COL28A1: variants seen among roughly 807,000 people sequenced by gnomAD.
COL28A1 encodes collagen alpha-1(XXVIII) chain.
A neutral mutation model predicts 150.2 loss-of-function variants in COL28A1; 161 were observed. That is an observed-to-expected ratio of 1.07 (90% CI 0.94 to 1.22). COL28A1 has a LOEUF of 1.22. COL28A1 is among the 50% of genes most tolerant of loss of function. The probability of loss-of-function intolerance (pLI) is 0.00; values close to 1 mark genes in which losing one functional copy is unlikely to be tolerated. For synonymous variants in COL28A1, 552 were observed against 469.7 expected, an observed-to-expected ratio of 1.18 and a Z score of -2.26; for missense variants, 1,617 against 1,388.3, an observed-to-expected ratio of 1.16 and a Z score of -2.62.
intron 14 of COL28A1, among the ~76,000 whole-genome samples, chr7:7,475,831 T>A (rs1033045644): frequency 6.6e-6 from 1 of 152,228 alleles, no homozygotes; most frequent in African/African-American, 2.4e-5. Context: ...TGTCTTCTGA[T>A]AGTGATACTG....
At chr7:7,351,555 G>C (rs1343938914), downstream of COL28A1, among the ~76,000 whole-genome samples, 3 of 152,118 alleles carry the variant, frequency 2.0e-5, no homozygotes, top group Non-Finnish European at 4.4e-5. Flanking sequence ...GTAATTCTAA[G>C]AGCCCATATT....
chr7:7,342,765 A>G, the COL28A1 span, among the ~76,000 whole-genome samples: 1 of 152,078 alleles, frequency 6.6e-6, no homozygotes, highest in East Asian at 1.9e-4. Flanking sequence ...TTCTTTTTAA[A>G]ACATCATATT....
intron 4 of COL28A1, among the ~76,000 whole-genome samples, chr7:7,522,498 C>G (rs1781780005): frequency 6.6e-6 from 1 of 152,114 alleles, no homozygotes; most frequent in Non-Finnish European, 1.5e-5. Flanking sequence ...CAGAATGAGT[C>G]TTATAACAGC....
At chr7:7,535,712 T>C (rs1583595330) in intron 1 of COL28A1, 38 bp downstream of exon 1, 1 of 152,218 alleles carries the variant, frequency 6.6e-6, no homozygotes, top group Admixed American at 6.5e-5. Context: ...TGGTCCTATC[T>C]GATTTCAAGT....
intron 13 of COL28A1, among the ~76,000 whole-genome samples, chr7:7,478,553 A>G (rs1344510207): frequency 6.6e-6 from 1 of 152,220 alleles, no homozygotes; most frequent in African/African-American, 2.4e-5. Flanking sequence ...CACACTCCTC[A>G]GCCCTTGGGC....
intron 25 of COL28A1, among the ~76,000 whole-genome samples, chr7:7,423,458 T>C (rs1003245849): frequency 6.6e-6 from 1 of 152,234 alleles, no homozygotes; most frequent in Non-Finnish European, 1.5e-5. Flanking sequence ...ATTTTAAAGA[T>C]ATTAAAACTG....
At chr7:7,491,642 A>G (rs1400594323) in intron 11 of COL28A1, among the ~76,000 whole-genome samples, 1 of 152,206 alleles carries the variant, frequency 6.6e-6, no homozygotes, top group Non-Finnish European at 1.5e-5. Context: ...AGATGTGACC[A>G]TTGCACTCAA....
chr7:7,484,332 C>T (rs1353043935), intron 13 of COL28A1, among the ~76,000 whole-genome samples: 1 of 151,996 alleles, frequency 6.6e-6, no homozygotes, highest in Non-Finnish European at 1.5e-5. Context: ...ACTATTCTTA[C>T]AAAGCAAACT....
intron 15 of COL28A1, among the ~76,000 whole-genome samples, chr7:7,457,654 G>A (rs1787276323): frequency 6.6e-6 from 1 of 152,160 alleles, no homozygotes; most frequent in Admixed American, 6.5e-5. Flanking sequence ...GATGGTCCCA[G>A]GACTGAGCCC....
At position 7,429,473 on chromosome 7, in the gene COL28A1, T is replaced by TGGG. The variant is rs748310656; in HGVS notation, c.1998+2997_1998+2999dup. Among the ~76,000 whole-genome samples, 236 of 107,014 alleles carry TGGG rather than the reference T, an allele frequency of 2.2e-3. 2 individuals are homozygous for TGGG. Among genetic ancestry groups the TGGG allele is most frequent in the African/African-American group, 6.6e-3 (187 of 28,542 alleles). The allele number at this position is 107,014 out of a possible 152,430, so 70.2% of individuals were successfully genotyped here. ...TCTCTCTGTGCTCTGTGTGTGTGTG[T>TGGG]GGGGGGGGGGATGGTGTGTGTGTAT... On this transcript the variant is annotated intron_variant, in intron 25 of 34. Coordinates refer to ENST00000399429, the MANE Select transcript of COL28A1 (RefSeq NM_001037763.3).
chr7:7,372,433 AT>A (rs1274679934), intron 32 of COL28A1, among the ~76,000 whole-genome samples: 2,133 of 151,346 alleles, frequency 0.014, 52 homozygotes, highest in African/African-American at 0.049. Context: ...AAATAAATAA[AT>A]AAATAAATGG....
intron 18 of COL28A1, among the ~76,000 whole-genome samples, chr7:7,446,838 G>C (rs1012767641): frequency 2.0e-4 from 30 of 152,178 alleles, no homozygotes; most frequent in African/African-American, 7.2e-4. Flanking sequence ...GTGAACCAAG[G>C]TATCAAAAGT....
At chr7:7,476,998 G>A (rs1279841728) in intron 14 of COL28A1, 114 bp downstream of exon 14, 1 of 683,750 alleles carries the variant, frequency 1.5e-6, no homozygotes, top group African/African-American at 1.8e-5. Flanking sequence ...ATGGAATAAA[G>A]ATGGTCAGAA....
chr7:7,529,542 T>G (rs1451188291), intron 3 of COL28A1, among the ~76,000 whole-genome samples: 1 of 152,172 alleles, frequency 6.6e-6, no homozygotes, highest in East Asian at 1.9e-4. Flanking sequence ...TCAGTCATTT[T>G]CTGTTTGCCC....
intron 27 of COL28A1, among the ~76,000 whole-genome samples, chr7:7,392,535 G>C (rs961557061): frequency 2.0e-5 from 3 of 152,116 alleles, no homozygotes; most frequent in Non-Finnish European, 4.4e-5. Flanking sequence ...TGCTAGGTTG[G>C]GGAAGTTCTC....
intron 25 of COL28A1, among the ~76,000 whole-genome samples, chr7:7,426,894 C>G (rs1409200263): frequency 6.6e-6 from 1 of 152,146 alleles, no homozygotes. Context: ...GATACTGCCC[C>G]TTACGACAGT....
chr7:7,380,742 T>TA lies in COL28A1; in HGVS notation c.2286+39dup, dbSNP rs1183139876. 14 of 1,612,750 alleles carry TA rather than the reference T, an allele frequency of 8.7e-6. 1 individual carries two copies. The highest frequency in any genetic ancestry group is 1.2e-5 in the Non-Finnish European group (14 of 1,178,836). ...AAAGTCAATATAGGTTGGAACCAGT[T>TA]AGAGTATAAAATCACAGTGAGACAT... On this transcript the variant is annotated intron_variant, in intron 29 of 34. Coordinates refer to ENST00000399429, the MANE Select transcript of COL28A1 (RefSeq NM_001037763.3).
chr7:7,393,676 G>GTT (rs1287250044), intron 27 of COL28A1, among the ~76,000 whole-genome samples: 1 of 152,192 alleles, frequency 6.6e-6, no homozygotes, highest in Non-Finnish European at 1.5e-5. Flanking sequence ...TAGAGAGGCA[G>GTT]TCAGGCTACA....
downstream of COL28A1, chr7:7,356,889 A>T (rs1780376314): frequency 6.6e-6 from 1 of 152,166 alleles, no homozygotes; most frequent in African/African-American, 2.4e-5. Context: ...TGTAGTATCA[A>T]ATATTACATA....
Sources: allele counts gnomAD v4.1 joint callset (sites outside exome capture counted in the v4.1 genomes callset), GRCh38; gene constraint gnomAD v4.1.1; transcripts MANE v1.5; gene names NCBI Gene and HGNC (gene_info 2026-07-23, HGNC 2026-07-21).